WDR47: variants seen among roughly 807,000 people sequenced by gnomAD.
WDR47 encodes WD repeat domain 47, also known as WD repeat-containing protein 47.
Under a neutral mutation model 97.2 loss-of-function variants are expected in WDR47, and 32 were observed. The ratio of observed to expected loss-of-function variants is 0.33; its 90% CI spans 0.25 to 0.44. The LOEUF (loss-of-function observed/expected upper bound fraction) is 0.44, where lower values mean the gene tolerates loss of function less well. WDR47 is among the 20% of genes least tolerant of loss of function. The pLI is 1.00. For synonymous variants in WDR47, 375 were observed against 373.5 expected (o/e 1.00, Z -0.05); for missense variants, 782 against 1,102.3 (o/e 0.71, Z 4.11).
At chr1:109,016,824 G>C (rs1019892684) in intron 3 of WDR47, among the ~76,000 whole-genome samples, 2 of 150,910 alleles carry the variant, frequency 1.3e-5, no homozygotes, top group Non-Finnish European at 2.9e-5. Context: ...CCAGTTAGGA[G>C]AAAAGGCAAT....
chr1:108,983,138 A>T, intron 11 of WDR47, 144 bp downstream of exon 11: 1 of 891,750 alleles, frequency 1.1e-6, no homozygotes, highest in South Asian at 3.2e-5. Context: ...TCATGAATGT[A>T]ACTAAACAAT....
chr1:108,998,272 G>A (rs139894995), intron 7 of WDR47, among the ~76,000 whole-genome samples: 2 of 152,264 alleles, frequency 1.3e-5, no homozygotes, highest in East Asian at 3.9e-4. Context: ...GGAGGCCAAG[G>A]CGGGCAGATC....
chr1:108,975,481 C>T (rs879579229), intron 13 of WDR47, among the ~76,000 whole-genome samples: 1 of 151,508 alleles, frequency 6.6e-6, no homozygotes, highest in Non-Finnish European at 1.5e-5. Context: ...GTTAGCCGAA[C>T]GGAGTGGCAC....
intron 1 of WDR47, among the ~76,000 whole-genome samples, chr1:109,026,444 T>C (rs972487649): frequency 2.0e-5 from 3 of 152,080 alleles, no homozygotes; most frequent in Non-Finnish European, 4.4e-5. Flanking sequence ...GCACACTGAT[T>C]AGTGATTTTA....
In WDR47 at chr1:109,004,670, C is replaced by T. The variant is rs1660458297; in HGVS notation, c.1176G>A (p.Leu392=). The change falls in exon 6 of 15, where the codon TTG becomes TTA. Residue 392 remains leucine, a synonymous_variant. Transcript: ENST00000369962. ...CTTTTTCTGAAACTGAACTCTGGCC[C>T]AAGATTTCACTGCCGATAGGCCTCT... ...DAQRPIGSEI[L]GQSSVSEKEP... 1 of 1,613,330 alleles carries T rather than the reference C, an allele frequency of 6.2e-7. No homozygotes were observed. The highest frequency in any genetic ancestry group is 1.7e-5 in the Admixed American group (1 of 59,930).
At chr1:108,999,083 T>G (rs1050215972) in intron 7 of WDR47, among the ~76,000 whole-genome samples, 1 of 151,950 alleles carries the variant, frequency 6.6e-6, no homozygotes, top group African/African-American at 2.4e-5. Flanking sequence ...AAAAATTAGC[T>G]GGGCATAAGT....
chr1:109,030,136 TG>T, intron 1 of WDR47: 3 of 1,240,690 alleles, frequency 2.4e-6, no homozygotes, highest in South Asian at 1.5e-5. Flanking sequence ...AAGAAACGCC[TG>T]GTGCAGAGCC....
chr1:109,028,362 G>GTTTTTGTTTTTTT (rs1662362604), intron 1 of WDR47, among the ~76,000 whole-genome samples: 1 of 79,788 alleles, frequency 1.3e-5, no homozygotes, highest in Non-Finnish European at 2.1e-5. Context: ...TTTTTGTTGG[G>GTTTTTGTTTTTTT]TTTTTTTTTT....
intron 6 of WDR47, among the ~76,000 whole-genome samples, chr1:109,003,838 T>C (rs1331703709): frequency 6.6e-6 from 1 of 152,112 alleles, no homozygotes; most frequent in Non-Finnish European, 1.5e-5. Flanking sequence ...CACAATACCA[T>C]TTCCTCACAA....
At chr1:108,989,589 G>A (rs1320696350) in intron 9 of WDR47, among the ~76,000 whole-genome samples, 2 of 152,132 alleles carry the variant, frequency 1.3e-5, no homozygotes, top group African/African-American at 2.4e-5. Flanking sequence ...GAAAAAGGGA[G>A]GAAAAACGAC....
intron 10 of WDR47, among the ~76,000 whole-genome samples, chr1:108,984,748 C>T (rs2101827609): frequency 6.6e-6 from 1 of 152,168 alleles, no homozygotes; most frequent in South Asian, 2.1e-4. Context: ...CATCGTGGTG[C>T]ATGCCTGTAG....
chr1:109,011,808 T>C, intron 4 of WDR47, 90 bp from the exon 5 acceptor site: 1 of 1,222,274 alleles, frequency 8.2e-7, no homozygotes. Context: ...ATAAATTATA[T>C]TGCCACAGAA....
intron 13 of WDR47, among the ~76,000 whole-genome samples, chr1:108,977,672 T>G (rs967681208): frequency 6.6e-6 from 1 of 152,176 alleles, no homozygotes; most frequent in East Asian, 1.9e-4. Flanking sequence ...GCTAATAAGG[T>G]GAAACCTCGC....
intron 1 of WDR47, among the ~76,000 whole-genome samples, chr1:109,029,397 T>C (rs867181116): frequency 1.2e-4 from 18 of 152,162 alleles, no homozygotes; most frequent in Admixed American, 3.3e-4. Flanking sequence ...CAGTGGCTCA[T>C]GCCTATAATC....
At chr1:109,027,338 G>A (rs956830277) in intron 1 of WDR47, among the ~76,000 whole-genome samples, 1 of 152,030 alleles carries the variant, frequency 6.6e-6, no homozygotes, top group African/African-American at 2.4e-5. Flanking sequence ...TTACAGGCGT[G>A]AGCCACCAAG....
At chr1:108,976,075 G>A (rs1480792994) in intron 13 of WDR47, among the ~76,000 whole-genome samples, 3 of 152,162 alleles carry the variant, frequency 2.0e-5, no homozygotes, top group Admixed American at 6.5e-5. Context: ...ACTTGTCTCT[G>A]TAAACAGTAA....
chr1:109,026,673 T>C (rs540399979), intron 1 of WDR47, among the ~76,000 whole-genome samples: 1 of 152,206 alleles, frequency 6.6e-6, no homozygotes, highest in South Asian at 2.1e-4. Context: ...CACACAAACT[T>C]AATGCACAAT....
intron 1 of WDR47, among the ~76,000 whole-genome samples, chr1:109,038,774 CA>C (rs1663133249): frequency 6.6e-6 from 1 of 152,086 alleles, no homozygotes; most frequent in African/African-American, 2.4e-5. Context: ...GTCAGGCATT[CA>C]AGACCAGCCT....
At chr1:109,015,289 A>T (rs1416031914) in intron 3 of WDR47, among the ~76,000 whole-genome samples, 1 of 152,174 alleles carries the variant, frequency 6.6e-6, no homozygotes, top group East Asian at 1.9e-4. Flanking sequence ...TCTTACATAA[A>T]ATACCAAAAA....
Sources: gnomAD v4.1 joint callset for allele counts (sites outside exome capture counted in the v4.1 genomes callset) on GRCh38, gnomAD v4.1.1 for gene constraint, MANE v1.5 for transcripts, NCBI Gene and HGNC (gene_info 2026-07-23, HGNC 2026-07-21) for gene names.